The following RAB15 variants were observed in gnomAD, a reference collection of about 807,000 sequenced individuals.
The protein encoded by RAB15 is ras-related protein Rab-15.
In RAB15, 13 loss-of-function variants were observed where a neutral mutation model predicts 31.8. That is an observed-to-expected ratio of 0.41 (90% confidence interval 0.27 to 0.65). The LOEUF is 0.65. RAB15 is among the 30% of genes least tolerant of loss of function. The probability of loss-of-function intolerance (pLI) is 0.32; values close to 1 mark genes in which losing one functional copy is unlikely to be tolerated. For synonymous variants in RAB15, 100 were observed against 105.6 expected (o/e 0.95, Z 0.33); for missense variants, 220 against 277.3 (o/e 0.79, Z 1.47).
chr14:64,959,497 C>T (rs1027417353), intron 1 of RAB15, among the ~76,000 whole-genome samples: 1 of 152,140 alleles, frequency 6.6e-6, no homozygotes, highest in Non-Finnish European at 1.5e-5. Flanking sequence ...TTTGTTTGCT[C>T]GTTTTTAAAA....
intron 1 of RAB15, among the ~76,000 whole-genome samples, chr14:64,964,670 G>A (rs956649442): frequency 1.3e-5 from 2 of 151,876 alleles, no homozygotes; most frequent in African/African-American, 4.8e-5. Context: ...CCACCTCCTG[G>A]GTTCAAGCAA....
intron 1 of RAB15, among the ~76,000 whole-genome samples, chr14:64,967,256 G>T (rs1887186983): frequency 6.6e-6 from 1 of 152,182 alleles, no homozygotes; most frequent in Non-Finnish European, 1.5e-5. Context: ...GGGACTAGGT[G>T]ACAGGTCTAC....
chr14:64,961,364 A>G (rs1886847114), intron 1 of RAB15, among the ~76,000 whole-genome samples: 1 of 152,210 alleles, frequency 6.6e-6, no homozygotes, highest in African/African-American at 2.4e-5. Context: ...GGGAGCTGAT[A>G]TGGTTTGGCT....
Position 64,972,101 on chromosome 14 carries a change from C to T in RAB15, c.-25G>A, listed in dbSNP as rs924587338. On this transcript the variant is annotated 5_prime_UTR_variant, in exon 1 of 7. Coordinates refer to ENST00000533601, the MANE Select transcript of RAB15 (RefSeq NM_001308154.2). This position sits in a 1 kb window ranked among gnomAD's most constrained non-coding sequence, Gnocchi z 6.3. ...TGACTGGGGCCAGCGGGGCCGGGAA[C>T]TGCGGGCGGGCAGCGGGCTCAGCCC... The T allele has an allele frequency of 2.5e-6, 4 of 1,575,632 alleles. No individual in the cohort carries two copies. The highest frequency in any genetic ancestry group is 4.8e-5 in the East Asian group (2 of 41,570).
At chr14:64,959,262 C>T (rs1285478535) in intron 1 of RAB15, among the ~76,000 whole-genome samples, 1 of 152,142 alleles carries the variant, frequency 6.6e-6, no homozygotes, top group African/African-American at 2.4e-5. Context: ...AGAGCACATG[C>T]CCCTTTTCTT....
At chr14:64,964,378 C>A (rs1332079698) in intron 1 of RAB15, among the ~76,000 whole-genome samples, 1 of 151,528 alleles carries the variant, frequency 6.6e-6, no homozygotes, top group East Asian at 2.0e-4. Flanking sequence ...AAAACTTAGC[C>A]CAGCGTGGTG....
Position 64,972,095 on chromosome 14 carries a change from C to A in RAB15, c.-19G>T, listed in dbSNP as rs1887460761. ...TCGCCATGACTGGGGCCAGCGGGGC[C>A]GGGAACTGCGGGCGGGCAGCGGGCT... On this transcript the variant is annotated 5_prime_UTR_variant, in exon 1 of 7. Transcript: ENST00000533601. The surrounding 1 kb of genome is among the most constrained non-coding windows in gnomAD (Gnocchi z 6.3). 1 of 1,579,986 alleles carries A rather than the reference C, an allele frequency of 6.3e-7. No homozygotes were observed.
chr14:64,949,459 G>T (rs748757267), intron 5 of RAB15, among the ~76,000 whole-genome samples: 1 of 152,168 alleles, frequency 6.6e-6, no homozygotes, highest in East Asian at 1.9e-4. Flanking sequence ...AGTGGCTCAC[G>T]CCTGTAATCC....
At position 64,954,579 on chromosome 14, in the gene RAB15, G is replaced by C; in HGVS notation, c.125-2008C>G. The C allele has an allele frequency of 2.1e-5, 20 of 946,860 alleles. No individual in the cohort carries two copies. The highest frequency in any genetic ancestry group is 2.5e-5 in the Non-Finnish European group (20 of 794,726). 58.7% of individuals were successfully genotyped at this position (946,860 alleles called of 1,614,324 possible). A position where few individuals can be genotyped will look rare whatever the true frequency, so the allele number is the denominator to read the frequency against. ...TTTATGGGAACTTCCTATGTGCCCT[G>C]CACAGTGCTCAGTGCAGACAGAGCA... On this transcript the variant is annotated intron_variant, in intron 1 of 6. Coordinates refer to ENST00000533601, the MANE Select transcript of RAB15 (RefSeq NM_001308154.2). The surrounding 1 kb of genome is among the most constrained non-coding windows in gnomAD (Gnocchi z 4.3).
intron 1 of RAB15, among the ~76,000 whole-genome samples, chr14:64,961,817 G>A (rs1342416420): frequency 2.0e-5 from 3 of 151,960 alleles, no homozygotes; most frequent in East Asian, 1.9e-4. Flanking sequence ...ACTGAGGTAA[G>A]AGGATCACCT....
At position 64,948,399 on chromosome 14, in the gene RAB15, G is replaced by C. The variant is rs774743235; in HGVS notation, c.594C>G (p.Gly198=). 1 of 1,611,554 alleles carries C rather than the reference G, an allele frequency of 6.2e-7. No homozygotes were observed. Among genetic ancestry groups the C allele is most frequent in the East Asian group, 2.2e-5 (1 of 44,854 alleles). ...LALAELEEEE[G]KPEGPANSSK... ...AAGAGTTCGCTGGGCCCTCGGGTTT[G>C]CCCTCCTCCTCCTCCAGCTCTGCCA... is the stretch of plus-strand genomic sequence containing the variant. Residue 198 remains glycine, a synonymous_variant, in exon 7 of 7, where the codon GGC becomes GGG. Transcript: ENST00000533601. The surrounding 1 kb of genome is among the most constrained non-coding windows in gnomAD (Gnocchi z 7.0).
intron 1 of RAB15, among the ~76,000 whole-genome samples, chr14:64,956,304 G>C (rs1886561490): frequency 6.6e-6 from 1 of 151,932 alleles, no homozygotes; most frequent in Non-Finnish European, 1.5e-5. Context: ...CTCAGGAGCG[G>C]GTCTGGGGTG....
In RAB15 at chr14:64,953,315, A is replaced by G. The variant is rs748471718; in HGVS notation, c.125-744T>C. Among the ~76,000 whole-genome samples the G allele has an allele frequency of 5.3e-5, 8 of 152,196 alleles. No individual in the cohort carries two copies. The highest frequency in any genetic ancestry group is 1.2e-4 in the Non-Finnish European group (8 of 68,036). Reference sequence around the variant, plus strand: ...TTCTGCCTCAGTAAATATCTTCATCAGGGACATTACCAGTATCTCAGAGGG... The same window carrying G: ...TTCTGCCTCAGTAAATATCTTCATCGGGGACATTACCAGTATCTCAGAGGG... On this transcript the variant is annotated intron_variant, in intron 1 of 6. Coordinates refer to ENST00000533601, the MANE Select transcript of RAB15 (RefSeq NM_001308154.2). This position sits in a 1 kb window ranked among gnomAD's most constrained non-coding sequence, Gnocchi z 4.6.
Position 64,945,894 on chromosome 14 carries a change from G to A in RAB15, c.*2460C>T, listed in dbSNP as rs1183046158. The A allele has an allele frequency of 2.6e-5, 4 of 152,282 alleles. No homozygotes were observed. Among genetic ancestry groups the A allele is most frequent in the Non-Finnish European group, 4.4e-5 (3 of 67,836 alleles). 9.4% of individuals were successfully genotyped at this position (152,282 alleles called of 1,614,324 possible). On this transcript the variant is annotated 3_prime_UTR_variant, in exon 7 of 7. Coordinates refer to ENST00000533601, the MANE Select transcript of RAB15 (RefSeq NM_001308154.2). Reference sequence around the variant, plus strand: ...CTGCTCACAATTCATATATGGACCCGAGACACAGTACACGAAGTTCACCCG... The same window carrying A: ...CTGCTCACAATTCATATATGGACCCAAGACACAGTACACGAAGTTCACCCG...
At position 64,970,871 on chromosome 14, in the gene RAB15, C is replaced by T. The variant is rs1455897396; in HGVS notation, c.124+1082G>A. ...TGTATCTATCTGCTCCTACTTCTCT[C>T]TCAGCAAGGAATGTGTGTTGGGGGG... is the stretch of plus-strand genomic sequence containing the variant. On this transcript the variant is annotated intron_variant, in intron 1 of 6. Transcript: ENST00000533601. The surrounding 1 kb of genome is among the most constrained non-coding windows in gnomAD (Gnocchi z 4.1). Among the ~76,000 whole-genome samples, 1 of 152,154 alleles carries T rather than the reference C, an allele frequency of 6.6e-6. No individual in the cohort carries two copies. The highest frequency in any genetic ancestry group is 1.5e-5 in the Non-Finnish European group (1 of 68,028).
intron 1 of RAB15, among the ~76,000 whole-genome samples, chr14:64,966,515 T>G (rs745790967): frequency 2.0e-5 from 3 of 149,918 alleles, no homozygotes; most frequent in Non-Finnish European, 4.4e-5. Flanking sequence ...AGAGAGATAC[T>G]CGGTCTCAAA....
At position 64,971,665 on chromosome 14, in the gene RAB15, A is replaced by C; in HGVS notation, c.124+288T>G. Reference sequence around the variant, plus strand: ...GATTCTTGCTACCCCAGCTCGGGGTACCCAGGCCTACACCAGCTCCCCTCA... The same window carrying C: ...GATTCTTGCTACCCCAGCTCGGGGTCCCCAGGCCTACACCAGCTCCCCTCA... On this transcript the variant is annotated intron_variant, in intron 1 of 6. Coordinates refer to ENST00000533601, the MANE Select transcript of RAB15 (RefSeq NM_001308154.2). The surrounding 1 kb of genome is among the most constrained non-coding windows in gnomAD (Gnocchi z 4.1). 2 of 444,234 alleles carry C rather than the reference A, an allele frequency of 4.5e-6. No homozygotes were observed. The highest frequency in any genetic ancestry group is 2.5e-5 in the South Asian group (1 of 39,448). 27.5% of individuals were successfully genotyped at this position (444,234 alleles called of 1,614,324 possible).
chr14:64,961,926 A>C (rs541626280), intron 1 of RAB15, among the ~76,000 whole-genome samples: 4 of 150,166 alleles, frequency 2.7e-5, no homozygotes, highest in South Asian at 4.2e-4. Flanking sequence ...AAAAAAAAAA[A>C]AAAACAGGCC....
In RAB15 at chr14:64,950,332, C is replaced by T; in HGVS notation, c.407G>A (p.Gly136Glu). ...EQKRQVGREQGQQLAKEYGMD... is the reference protein window; with the variant it reads ...EQKRQVGREQEQQLAKEYGMD... ...CCTTTTCCCTCCACTTACCTGCTGC[C>T]CTTGCTCTCTTCCCACCTGCCGTTT... Residue 136 changes from glycine (G) to glutamate (E), a missense_variant, in exon 5 of 7, where the codon GGG (glycine) becomes GAG (glutamate). Coordinates refer to ENST00000533601, the MANE Select transcript of RAB15 (RefSeq NM_001308154.2). The surrounding 1 kb of genome is among the most constrained non-coding windows in gnomAD (Gnocchi z 5.6). 6.2e-7 allele frequency: 1 copy of T among 1,614,002 alleles called. No homozygotes were observed. Among genetic ancestry groups the T allele is most frequent in the Non-Finnish European group, 8.5e-7 (1 of 1,179,870 alleles).
Sources: gnomAD v4.1 joint callset for allele counts (sites outside exome capture counted in the v4.1 genomes callset) on GRCh38, gnomAD v4.1.1 for gene constraint, Gnocchi (gnomAD v3.1) non-coding constraint, MANE v1.5 for transcripts, NCBI Gene and HGNC (gene_info 2026-07-23, HGNC 2026-07-21) for gene names.